The following DMD variants were observed in gnomAD, a reference collection of about 807,000 sequenced individuals.
DMD encodes mutant dystrophin.
Under a neutral mutation model 330.1 loss-of-function variants are expected in DMD, and 63 were observed. That is an observed-to-expected ratio of 0.19 (90% CI 0.16 to 0.24). The LOEUF (loss-of-function observed/expected upper bound fraction) is 0.24. Ranked by LOEUF, DMD falls within the 10% of genes least tolerant of loss-of-function variation. The pLI is 1.00. For synonymous variants in DMD, 1,223 were observed against 959.8 expected, an observed-to-expected ratio of 1.27 and a Z score of -5.07; for missense variants, 3,344 against 2,684.1, an observed-to-expected ratio of 1.25 and a Z score of -5.43.
rs143856015 is a variant in DMD at position 31,136,026 on chromosome X, A to G, written c.10922-1832T>C. Among the ~76,000 whole-genome samples the G allele has an allele frequency of 3.6e-3, 402 of 110,643 alleles. 4 individuals are homozygous for G. The highest frequency in any genetic ancestry group is 0.012 in the African/African-American group (374 of 30,425). ...TTTTTTTTTTAACAGCAGAAGCTAA[A>G]AGAATCATTGCCAATGCTAACCATT... On this transcript the variant is annotated intron_variant, in intron 76 of 78. Coordinates refer to ENST00000357033, the MANE Select transcript of DMD (RefSeq NM_004006.3).
intron 23 of DMD, among the ~76,000 whole-genome samples, chrX:32,465,148 T>A (rs1487392820): frequency 3.6e-5 from 4 of 112,146 alleles, no homozygotes; most frequent in African/African-American, 1.3e-4. Context: ...AAATAGTCCT[T>A]CCAGTTGGGA....
Position 32,373,394 on chromosome X carries a change from G to C in DMD, c.4845+7116C>G, listed in dbSNP as rs189073898. 1.1e-3 allele frequency among the ~76,000 whole-genome samples: 125 copies of C among 109,915 alleles called. 1 individual carries two copies. The highest frequency in any genetic ancestry group is 4.0e-3 in the African/African-American group (122 of 30,440). ...TAGCTTTCCTCTAGTTCAGGAGTTTGAATATGTTCTGTGAATGGCCACATA... is the reference window on the plus strand; with the variant it reads ...TAGCTTTCCTCTAGTTCAGGAGTTTCAATATGTTCTGTGAATGGCCACATA... On this transcript the variant is annotated intron_variant, in intron 34 of 78. Coordinates refer to ENST00000357033, the MANE Select transcript of DMD (RefSeq NM_004006.3).
Position 32,670,357 on chromosome X carries a change from G to A in DMD, c.961-25205C>T, listed in dbSNP as rs747147943. ...TTATGTATATTTTAAAAGTATCACTGTTGATTAGAAATAAATTTTAACACA... is the reference window on the plus strand; with the variant it reads ...TTATGTATATTTTAAAAGTATCACTATTGATTAGAAATAAATTTTAACACA... On this transcript the variant is annotated intron_variant, in intron 9 of 78. Coordinates refer to ENST00000357033, the MANE Select transcript of DMD (RefSeq NM_004006.3). Among the ~76,000 whole-genome samples the A allele has an allele frequency of 3.6e-5, 4 of 111,878 alleles. No individual in the cohort carries two copies. In the South Asian group the frequency reaches 1.5e-3, roughly 41 times the overall value.
chrX:32,712,372 G>A (rs998913678), intron 7 of DMD, among the ~76,000 whole-genome samples: 8 of 111,307 alleles, frequency 7.2e-5, no homozygotes, highest in South Asian at 3.7e-4. Flanking sequence ...CACATTTGTC[G>A]TAGATATGTA....
At chrX:31,262,886 G>A (rs1178154909) in intron 62 of DMD, among the ~76,000 whole-genome samples, 1 of 112,798 alleles carries the variant, frequency 8.9e-6, no homozygotes, top group Non-Finnish European at 1.9e-5. Flanking sequence ...AGCTCGGAAA[G>A]TGAGTGTATA....
chrX:32,838,422 G>T (rs1160854155), intron 4 of DMD, among the ~76,000 whole-genome samples: 3 of 110,212 alleles, frequency 2.7e-5, no homozygotes, highest in African/African-American at 9.9e-5. Context: ...ACAGGCCATG[G>T]TGTGTGACGT....
At chrX:31,729,972 T>C (rs1291628078) in intron 51 of DMD, among the ~76,000 whole-genome samples, 2 of 112,210 alleles carry the variant, frequency 1.8e-5, no homozygotes, top group Non-Finnish European at 3.8e-5. Flanking sequence ...ATTTTCTTCA[T>C]TTAAAGGCTC....
At position 32,365,168 on chromosome X, in the gene DMD, A is replaced by T. The variant is rs72468634; in HGVS notation, c.4877T>A (p.Val1626Glu). 1.3e-4 allele frequency: 162 copies of T among 1,208,863 alleles called. No homozygotes were observed. The highest frequency in any genetic ancestry group is 1.8e-4 in the Non-Finnish European group (158 of 894,874). ...ATQKEIEKQK[V>E]HLKSITEVGE... The stretch of plus-strand genomic sequence containing the variant: ...TACCTCTGTGATACTCTTCAGGTGC[A>T]CCTTCTGTTTCTCAATCTCTTTTTG... The change falls in exon 35 of 79, where the codon GTG (valine) becomes GAG (glutamate). Residue 1626 changes from valine (V) to glutamate (E), a missense_variant. Physicochemically the swap from Val to Glu is moderately radical, Grantham distance 121 (BLOSUM62 -2). Transcript: ENST00000357033.
intron 49 of DMD, among the ~76,000 whole-genome samples, chrX:31,831,823 C>T (rs767288029): frequency 1.2e-4 from 13 of 112,075 alleles, no homozygotes; most frequent in South Asian, 7.5e-4. Flanking sequence ...AGGATGGTCT[C>T]GATCTCCTGA....
chrX:32,944,795 T>A (rs1288829662), intron 2 of DMD, among the ~76,000 whole-genome samples: 5 of 109,644 alleles, frequency 4.6e-5, no homozygotes, highest in Non-Finnish European at 9.5e-5. Context: ...AAGTAGAGGC[T>A]GGGTTTCACG....
At chrX:32,608,413 C>T (rs889662996) in intron 12 of DMD, among the ~76,000 whole-genome samples, 1 of 110,083 alleles carries the variant, frequency 9.1e-6, no homozygotes. Context: ...AATAATACTA[C>T]CACTCAAACC....
chrX:31,147,205 G>A, intron 75 of DMD, 70 bp downstream of exon 75: 2 of 1,196,510 alleles, frequency 1.7e-6, no homozygotes, highest in Non-Finnish European at 2.3e-6. Context: ...TATAAAAAGT[G>A]CTCTCTGAGG....
chrX:31,409,207 A>C (rs1385696910), intron 60 of DMD, among the ~76,000 whole-genome samples: 1 of 111,973 alleles, frequency 8.9e-6, no homozygotes, highest in Admixed American at 9.5e-5. Flanking sequence ...TTTCCCATCC[A>C]AGGAAAGGTA....
chrX:31,747,282 C>T (rs1019660332), intron 51 of DMD, among the ~76,000 whole-genome samples: 3 of 111,677 alleles, frequency 2.7e-5, no homozygotes, highest in Non-Finnish European at 3.8e-5. Flanking sequence ...TTCTGCTTCT[C>T]TGTCAAAAAA....
chrX:32,940,049 C>CA (rs759346284), intron 2 of DMD, among the ~76,000 whole-genome samples: 6 of 111,389 alleles, frequency 5.4e-5, no homozygotes, highest in African/African-American at 1.6e-4. Flanking sequence ...CATATAGAAC[C>CA]AAAAAGGAGC....
At chrX:32,157,041 T>A (rs189637574) in intron 44 of DMD, among the ~76,000 whole-genome samples, 2 of 112,337 alleles carry the variant, frequency 1.8e-5, no homozygotes, top group East Asian at 5.6e-4. Context: ...TGTGGCAGGC[T>A]TTATTGTGCT....
intron 71 of DMD, among the ~76,000 whole-genome samples, chrX:31,177,715 C>G (rs1439669038): frequency 9.2e-6 from 1 of 109,068 alleles, no homozygotes; most frequent in Non-Finnish European, 1.9e-5. Flanking sequence ...GGTGGAGGAA[C>G]CAAAAAACCC....
intron 13 of DMD, among the ~76,000 whole-genome samples, chrX:32,589,966 T>C (rs985970707): frequency 3.6e-5 from 4 of 111,796 alleles, no homozygotes; most frequent in Non-Finnish European, 5.6e-5. Flanking sequence ...TAGAGAAAGA[T>C]AGACTCACCT....
chrX:32,533,484 C>A (rs1355392277), intron 17 of DMD, among the ~76,000 whole-genome samples: 4 of 111,829 alleles, frequency 3.6e-5, no homozygotes, highest in African/African-American at 9.8e-5. Flanking sequence ...ATTATCCAGT[C>A]AGATGCTAAT....
Sources: gnomAD v4.1 joint callset for allele counts (sites outside exome capture counted in the v4.1 genomes callset) on GRCh38, gnomAD v4.1.1 for gene constraint, MANE v1.5 for transcripts, NCBI Gene and HGNC (gene_info 2026-07-23, HGNC 2026-07-21) for gene names.